Variants in BICD1 observed in about 807,000 individuals in gnomAD.
The protein encoded by BICD1 is BICD cargo adaptor 1, also known as protein bicaudal D homolog 1.
A neutral mutation model predicts 92.5 loss-of-function variants in BICD1; 35 were observed. That is an observed-to-expected ratio of 0.38 (90% CI 0.29 to 0.50). BICD1 has a LOEUF of 0.50. BICD1 is among the 20% of genes least tolerant of loss of function. The pLI is 0.93. For missense variants in BICD1, 950 were observed against 1,189.8 expected (o/e 0.80, Z 2.97); for synonymous variants, 429 against 465.1 (o/e 0.92, Z 1.00).
chr12:32,230,310 G>A (rs1945839303), intron 2 of BICD1, among the ~76,000 whole-genome samples: 1 of 151,966 alleles, frequency 6.6e-6, no homozygotes, highest in Admixed American at 6.6e-5. Flanking sequence ...TGAGATGGAA[G>A]GATTGCTTGA....
chr12:32,225,607 A>G (rs1234369389), intron 2 of BICD1, among the ~76,000 whole-genome samples: 1 of 90,662 alleles, frequency 1.1e-5, no homozygotes, highest in African/African-American at 3.8e-5. Flanking sequence ...GGTATTTGAC[A>G]GTTCTTTTTT....
At chr12:32,272,597 C>T (rs182555816) in intron 2 of BICD1, among the ~76,000 whole-genome samples, 5 of 152,136 alleles carry the variant, frequency 3.3e-5, no homozygotes, top group Admixed American at 2.0e-4. Flanking sequence ...TGGGGAATTT[C>T]TTCAGACTGA....
At chr12:32,276,728 G>A (rs1947285624) in intron 2 of BICD1, among the ~76,000 whole-genome samples, 1 of 152,100 alleles carries the variant, frequency 6.6e-6, no homozygotes, top group African/African-American at 2.4e-5. Flanking sequence ...AAGTTCTGAA[G>A]GAGCATTCTC....
intron 1 of BICD1, among the ~76,000 whole-genome samples, chr12:32,197,626 A>G (rs2121547019): frequency 6.6e-6 from 1 of 152,332 alleles, no homozygotes. Flanking sequence ...ACCAATTAAT[A>G]TGTATAGCTT....
At chr12:32,362,918 T>G (rs1049895837) in intron 8 of BICD1, among the ~76,000 whole-genome samples, 5 of 152,228 alleles carry the variant, frequency 3.3e-5, no homozygotes, top group African/African-American at 9.6e-5. Flanking sequence ...TCAAAAACAC[T>G]TATTTTCCTC....
chr12:32,130,344 C>G (rs1942497069), intron 1 of BICD1, among the ~76,000 whole-genome samples: 1 of 152,104 alleles, frequency 6.6e-6, no homozygotes, highest in African/African-American at 2.4e-5. Context: ...GCTGGGACTA[C>G]AGGCGCCTGC....
At chr12:32,374,738 T>A in intron 9 of BICD1, among the ~76,000 whole-genome samples, 1 of 62,666 alleles carries the variant, frequency 1.6e-5, no homozygotes, top group African/African-American at 5.6e-5. Context: ...CGGCTAATTT[T>A]TTTTTTTTTT....
rs188004863 is a variant in BICD1 at position 32,231,654 on chromosome 12, A to C, written c.426+15195A>C. 2.5e-3 allele frequency among the ~76,000 whole-genome samples: 376 copies of C among 151,966 alleles called. 3 individuals are homozygous for C. Among genetic ancestry groups the C allele is most frequent in the Middle Eastern group, 0.017 (5 of 292 alleles). On this transcript the variant is annotated intron_variant, in intron 2 of 9. Coordinates refer to ENST00000652176, the MANE Select transcript of BICD1 (RefSeq NM_001714.4). The stretch of plus-strand genomic sequence containing the variant: ...TGCACATTGTGCAGATTAGTTACAT[A>C]TGTATACATGTGCCATGCTGGTGCG...
chr12:32,196,221 A>C (rs1944722316), intron 1 of BICD1, among the ~76,000 whole-genome samples: 1 of 152,182 alleles, frequency 6.6e-6, no homozygotes, highest in African/African-American at 2.4e-5. Context: ...AGGAATTATC[A>C]AAAAACAGTA....
chr12:32,126,304 CG>C (rs1942335146), intron 1 of BICD1, among the ~76,000 whole-genome samples: 1 of 152,036 alleles, frequency 6.6e-6, no homozygotes, highest in Admixed American at 6.6e-5. Context: ...GCTCTCACCA[CG>C]GTTTGCAGAC....
intron 1 of BICD1, among the ~76,000 whole-genome samples, chr12:32,168,212 A>T (rs1211181483): frequency 6.6e-6 from 1 of 152,238 alleles, no homozygotes; most frequent in South Asian, 2.1e-4. Flanking sequence ...TCTAACATGT[A>T]AACTGCTTGT....
At chr12:32,233,264 G>A (rs1425820140) in intron 2 of BICD1, among the ~76,000 whole-genome samples, 1 of 142,548 alleles carries the variant, frequency 7.0e-6, no homozygotes, top group Non-Finnish European at 1.5e-5. Flanking sequence ...GGAGGTTGCA[G>A]TAAGCTGAGA....
intron 2 of BICD1, among the ~76,000 whole-genome samples, chr12:32,255,015 C>CCAAA (rs1406165224): frequency 6.6e-6 from 1 of 151,966 alleles, no homozygotes; most frequent in Admixed American, 6.6e-5. Context: ...ACCAGGTGGC[C>CCAAA]CAAACAACAG....
intron 1 of BICD1, among the ~76,000 whole-genome samples, chr12:32,126,712 A>G (rs961118823): frequency 1.3e-5 from 2 of 152,094 alleles, no homozygotes; most frequent in East Asian, 3.9e-4. Flanking sequence ...AGCCGAGATC[A>G]GATCACGCCA....
chr12:32,318,450 A>G (rs1948563324), intron 4 of BICD1, among the ~76,000 whole-genome samples: 1 of 152,096 alleles, frequency 6.6e-6, no homozygotes. Context: ...TTGGATTCCT[A>G]GGTATTTTAT....
At chr12:32,277,113 G>A (rs1045434238) in intron 2 of BICD1, among the ~76,000 whole-genome samples, 1 of 152,168 alleles carries the variant, frequency 6.6e-6, no homozygotes, top group Non-Finnish European at 1.5e-5. Flanking sequence ...GGTAACTGTG[G>A]CCAGGCACGG....
intron 1 of BICD1, among the ~76,000 whole-genome samples, chr12:32,131,675 C>T (rs1046468034): frequency 1.3e-5 from 2 of 152,132 alleles, no homozygotes; most frequent in African/African-American, 2.4e-5. Flanking sequence ...ATGATAACTA[C>T]GAGACACTGC....
intron 9 of BICD1, among the ~76,000 whole-genome samples, chr12:32,373,031 A>G (rs2136339562): frequency 6.6e-6 from 1 of 152,312 alleles, no homozygotes; most frequent in East Asian, 1.9e-4. Context: ...ATTGAAATAT[A>G]TAGAGTTGTT....
intron 1 of BICD1, among the ~76,000 whole-genome samples, chr12:32,140,445 T>G (rs1194339039): frequency 6.6e-6 from 1 of 152,208 alleles, no homozygotes; most frequent in Admixed American, 6.5e-5. Context: ...AATGCCTAAA[T>G]GTCAAGAATA....
Sources: gnomAD v4.1 joint callset for allele counts (sites outside exome capture counted in the v4.1 genomes callset) on GRCh38, gnomAD v4.1.1 for gene constraint, MANE v1.5 for transcripts, NCBI Gene and HGNC (gene_info 2026-07-23, HGNC 2026-07-21) for gene names.